Variants in PLAUR observed in about 807,000 individuals in gnomAD.
The protein encoded by PLAUR is urokinase plasminogen activator surface receptor.
A neutral mutation model predicts 33.4 loss-of-function variants in PLAUR; 22 were observed. The ratio of observed to expected loss-of-function variants is 0.66; its 90% CI spans 0.47 to 0.94. PLAUR has a LOEUF of 0.94. Among genes scored for constraint, PLAUR ranks in the 40% least tolerant of loss-of-function variants. The pLI is 0.00. For missense variants in PLAUR, 408 were observed against 434.7 expected, an observed-to-expected ratio of 0.94 and a Z score of 0.55; for synonymous variants, 148 against 167.3, an observed-to-expected ratio of 0.88 and a Z score of 0.89.
At position 43,648,579 on chromosome 19, in the gene PLAUR, T is replaced by C; in HGVS notation, c.*311A>G. The C allele has an allele frequency of 2.0e-6, 2 of 1,013,966 alleles. No homozygotes were observed. The highest frequency in any genetic ancestry group is 1.2e-6 in the Non-Finnish European group (1 of 840,670). 62.8% of individuals were successfully genotyped at this position (1,013,966 alleles called of 1,614,324 possible). On this transcript the variant is annotated 3_prime_UTR_variant, in exon 7 of 7. Transcript: ENST00000340093. The stretch of plus-strand genomic sequence containing the variant: ...ACAAAGAAGGGCATACCTGGCCTTG[T>C]CCACTGGTACAAAATCTTTATGTAA...
chr19:43,665,485 C>G lies in PLAUR; in HGVS notation c.167-26G>C, dbSNP rs371882099. 5 of 1,611,028 alleles carry G rather than the reference C, an allele frequency of 3.1e-6. No individual in the cohort carries two copies. The Admixed American group carries it at 8.4e-5, about 27-fold the overall frequency. On this transcript the variant is annotated intron_variant, in intron 2 of 6. Coordinates refer to ENST00000340093, the MANE Select transcript of PLAUR (RefSeq NM_002659.4). ...CTGCAAGGAGGGGATCTTCATTACC[C>G]CAGAGGCTCCTCTCAGCTCAACCAG...
intron 6 of PLAUR, among the ~76,000 whole-genome samples, chr19:43,651,351 A>G (rs1034309728): frequency 6.6e-6 from 1 of 152,122 alleles, no homozygotes; most frequent in Non-Finnish European, 1.5e-5. Context: ...TGCTAGGATT[A>G]CAGGCGTGAG....
At chr19:43,646,438 C>T (rs895593961), downstream of PLAUR, 7 of 717,850 alleles carry the variant, frequency 9.8e-6, no homozygotes, top group African/African-American at 1.2e-4. Context: ...ACATCTGGGG[C>T]TCTATCTCCA....
At chr19:43,647,988 G>T (rs940105008), downstream of PLAUR, among the ~76,000 whole-genome samples, 2 of 150,352 alleles carry the variant, frequency 1.3e-5, no homozygotes, top group Non-Finnish European at 2.9e-5. Flanking sequence ...GTTTTGGAAG[G>T]GGGTGCTTAT....
At chr19:43,665,520 C>T (rs1158039467) in intron 2 of PLAUR, 61 bp from the exon 3 acceptor site, 3 of 1,570,318 alleles carry the variant, frequency 1.9e-6, no homozygotes, top group East Asian at 2.3e-5. Flanking sequence ...GCCTCTGACA[C>T]TCCTGGTCTC....
intron 3 of PLAUR, among the ~76,000 whole-genome samples, chr19:43,660,234 C>T (rs4251852): frequency 0.12 from 17,457 of 151,296 alleles, 1,087 homozygotes; most frequent in East Asian, 0.24. Context: ...GGTGTGATCT[C>T]GGCTCACTGC....
At chr19:43,657,919 C>A (rs1010431468) in intron 3 of PLAUR, among the ~76,000 whole-genome samples, 1 of 152,062 alleles carries the variant, frequency 6.6e-6, no homozygotes, top group African/African-American at 2.4e-5. Flanking sequence ...AAGAATAGGG[C>A]TGGCTGGGTG....
At chr19:43,667,284 G>A (rs1405501772) in intron 2 of PLAUR, 10 of 429,844 alleles carry the variant, frequency 2.3e-5, no homozygotes, top group Middle Eastern at 6.5e-4. Flanking sequence ...TCTGCATGGC[G>A]AGGAGTTGAG....
At chr19:43,649,244 TA>T in intron 6 of PLAUR, 101 bp from the exon 7 acceptor site, 1 of 1,319,456 alleles carries the variant, frequency 7.6e-7, no homozygotes, top group Non-Finnish European at 1.1e-6. Flanking sequence ...CCACCTTCAC[TA>T]CCACCTAGAG....
At chr19:43,646,423 C>G, downstream of PLAUR, 1 of 716,990 alleles carries the variant, frequency 1.4e-6, no homozygotes, top group South Asian at 1.5e-5. Context: ...GCTGAGATGG[C>G]TGAAACATCT....
intron 2 of PLAUR, among the ~76,000 whole-genome samples, chr19:43,666,696 T>C (rs1967270689): frequency 6.6e-6 from 1 of 151,214 alleles, no homozygotes; most frequent in Non-Finnish European, 1.5e-5. Flanking sequence ...GCCTCCCGAG[T>C]AGCTGGGATA....
At chr19:43,656,975 A>C (rs1600126546) in intron 3 of PLAUR, among the ~76,000 whole-genome samples, 3 of 128,810 alleles carry the variant, frequency 2.3e-5, no homozygotes, top group Admixed American at 9.0e-5. Context: ...ACAGAGTCTC[A>C]CTCCGTCACC....
chr19:43,648,497 T>C, downstream of PLAUR: 1 of 862,612 alleles, frequency 1.2e-6, no homozygotes, highest in Non-Finnish European at 1.4e-6. Flanking sequence ...TGACCCCTGA[T>C]TCCAGGAGCC....
intron 2 of PLAUR, among the ~76,000 whole-genome samples, chr19:43,666,908 G>A (rs530761340): frequency 1.4e-5 from 2 of 139,576 alleles, no homozygotes; most frequent in South Asian, 2.3e-4. Flanking sequence ...ACAGGATCTC[G>A]CTCTGTCGCC....
chr19:43,652,049 A>T, intron 6 of PLAUR, 176 bp downstream of exon 6: 1 of 1,392,186 alleles, frequency 7.2e-7, no homozygotes, highest in Non-Finnish European at 9.3e-7. Flanking sequence ...AAAAATGTCC[A>T]CATCCTGATG....
At chr19:43,646,448 A>G, downstream of PLAUR, 1 of 718,256 alleles carries the variant, frequency 1.4e-6, no homozygotes, top group Non-Finnish European at 2.6e-6. Flanking sequence ...CTCTATCTCC[A>G]CATGGCATTT....
intron 3 of PLAUR, among the ~76,000 whole-genome samples, chr19:43,658,606 A>G (rs1974306387): frequency 6.6e-6 from 1 of 152,110 alleles, no homozygotes; most frequent in Non-Finnish European, 1.5e-5. Context: ...CCCTGGAAAC[A>G]CCAGAGTCAT....
chr19:43,660,478 T>TG (rs1966930964), intron 3 of PLAUR: 1 of 151,080 alleles, frequency 6.6e-6, no homozygotes, highest in African/African-American at 2.4e-5. Context: ...CGGCCTGGTT[T>TG]TTTTTTTTTT....
At chr19:43,665,545 C>G in intron 2 of PLAUR, 86 bp from the exon 3 acceptor site, 1 of 1,393,328 alleles carries the variant, frequency 7.2e-7, no homozygotes. Flanking sequence ...TCATCCACTC[C>G]CAGGGCTGAT....
Sources: gnomAD v4.1 joint callset for allele counts (sites outside exome capture counted in the v4.1 genomes callset) on GRCh38, gnomAD v4.1.1 for gene constraint, MANE v1.5 for transcripts, NCBI Gene and HGNC (gene_info 2026-07-23, HGNC 2026-07-21) for gene names.